SLC25A28: variants seen among roughly 807,000 people sequenced by gnomAD.
SLC25A28 encodes the protein mitoferrin-2.
Under a neutral mutation model 31.9 loss-of-function variants are expected in SLC25A28, and 10 were observed. The ratio of observed to expected loss-of-function variants is 0.31; its 90% CI spans 0.19 to 0.53. The LOEUF (loss-of-function observed/expected upper bound fraction) is 0.53. Among genes scored for constraint, SLC25A28 ranks in the 20% least tolerant of loss-of-function variants. SLC25A28 has a pLI of 0.95. For synonymous variants in SLC25A28, 208 were observed against 203.6 expected (o/e 1.02, Z -0.19); for missense variants, 256 against 490.3 (o/e 0.52, Z 4.51).
chr10:99,637,108 C>A, the SLC25A28 span, among the ~76,000 whole-genome samples: 2 of 152,286 alleles, frequency 1.3e-5, no homozygotes, highest in East Asian at 3.9e-4. Flanking sequence ...AAGTGGGTTT[C>A]ATACCAGGGA....
At chr10:99,645,529 T>C in the SLC25A28 span, among the ~76,000 whole-genome samples, 1 of 152,166 alleles carries the variant, frequency 6.6e-6, no homozygotes, top group Non-Finnish European at 1.5e-5. Context: ...AGTTTGTTAT[T>C]ACCGATCGTC....
At chr10:99,648,566 T>C in the SLC25A28 span, among the ~76,000 whole-genome samples, 41 of 152,278 alleles carry the variant, frequency 2.7e-4, no homozygotes, top group South Asian at 1.2e-3. Flanking sequence ...ACAATATTGA[T>C]TCTTCCAATC....
the SLC25A28 span, among the ~76,000 whole-genome samples, chr10:99,634,115 G>A: frequency 0.84 from 127,813 of 152,138 alleles, 53,933 homozygotes; most frequent in Middle Eastern, 0.92. Flanking sequence ...CTACATCAAG[G>A]GAATGCCCTG....
At chr10:99,646,915 A>G in the SLC25A28 span, among the ~76,000 whole-genome samples, 2,220 of 152,300 alleles carry the variant, frequency 0.015, 61 homozygotes, top group African/African-American at 0.05. Flanking sequence ...ATAAGTGAGA[A>G]CATGCTGTAT....
the SLC25A28 span, among the ~76,000 whole-genome samples, chr10:99,637,520 G>A: frequency 5.9e-5 from 9 of 152,044 alleles, no homozygotes; most frequent in Admixed American, 1.3e-4. Flanking sequence ...CAATATGATC[G>A]TTTACCTTGA....
the SLC25A28 span, among the ~76,000 whole-genome samples, chr10:99,648,301 C>T: frequency 1.3e-5 from 2 of 152,068 alleles, no homozygotes; most frequent in African/African-American, 2.4e-5. Context: ...CCAGCCTATT[C>T]CATTGATGTA....
rs547010368 is a variant in SLC25A28, at chr10:99,611,642, G to A, written c.578-276C>T. ...GCACACAGGACATATCTACAGTTTG[G>A]GAGCTTCAGAGAGTCTTCTTGAACT... On this transcript the variant is annotated intron_variant, in intron 3 of 3. Coordinates refer to ENST00000370495, the MANE Select transcript of SLC25A28 (RefSeq NM_031212.4). The surrounding 1 kb of genome is among the most constrained non-coding windows in gnomAD (Gnocchi z 5.5). Among the ~76,000 whole-genome samples the A allele has an allele frequency of 6.6e-6, 1 of 152,160 alleles. No individual in the cohort carries two copies. The highest frequency in any genetic ancestry group is 2.1e-4 in the South Asian group (1 of 4,820).
chr10:99,622,664 C>G (rs369697302), upstream of SLC25A28: 3 of 985,332 alleles, frequency 3.0e-6, no homozygotes, highest in South Asian at 4.7e-5. Context: ...TCAGAAACCA[C>G]TCTACCTTTT....
At chr10:99,642,335 T>A in the SLC25A28 span, among the ~76,000 whole-genome samples, 2 of 151,848 alleles carry the variant, frequency 1.3e-5, no homozygotes, top group East Asian at 1.9e-4. Context: ...AGCAATTGTG[T>A]ATGGTAGTTC....
Position 99,620,269 on chromosome 10 carries a change from G to C in SLC25A28, c.67C>G (p.Pro23Ala), listed in dbSNP as rs1464350894. ...CCGTCCAGCAGCGCCGACTCCCCGG[G>C]GCTCCGCCCGGGCCCTGCCGCCGGC... is the stretch of plus-strand genomic sequence containing the variant. The part of the protein sequence containing the change: ...GGPAAGPGRS[P>A]GESALLDGWL... The change falls in exon 1 of 4, where the codon CCC (proline) becomes GCC (alanine). Residue 23 changes from proline to alanine, a missense_variant. Transcript: ENST00000370495. 1 of 1,228,912 alleles carries C rather than the reference G, an allele frequency of 8.1e-7. No individual in the cohort carries two copies. The highest frequency in any genetic ancestry group is 1.6e-5 in the African/African-American group (1 of 62,168). 76.1% of individuals were successfully genotyped at this position (1,228,912 alleles called of 1,614,324 possible). A position where few individuals can be genotyped will look rare whatever the true frequency, so the allele number is the denominator to read the frequency against.
chr10:99,647,421 A>C, the SLC25A28 span, among the ~76,000 whole-genome samples: 16 of 152,266 alleles, frequency 1.1e-4, no homozygotes, highest in African/African-American at 3.6e-4. Context: ...AGTGATGTTG[A>C]ACACTTTTTC....
chr10:99,648,346 G>T, the SLC25A28 span, among the ~76,000 whole-genome samples: 1 of 152,112 alleles, frequency 6.6e-6, no homozygotes, highest in South Asian at 2.1e-4. Flanking sequence ...ACACTACTTT[G>T]GTGACTATAG....
At chr10:99,655,971 T>C in the SLC25A28 span, among the ~76,000 whole-genome samples, 1 of 152,092 alleles carries the variant, frequency 6.6e-6, no homozygotes, top group African/African-American at 2.4e-5. Context: ...TTGGACCATA[T>C]CTCATTGGAA....
upstream of SLC25A28, among the ~76,000 whole-genome samples, chr10:99,622,072 A>G (rs1365550227): frequency 6.6e-6 from 1 of 152,130 alleles, no homozygotes; most frequent in East Asian, 1.9e-4. Context: ...TGACCCCAAC[A>G]CTGTGAAGGC....
At chr10:99,642,042 C>T in the SLC25A28 span, among the ~76,000 whole-genome samples, 2 of 151,686 alleles carry the variant, frequency 1.3e-5, no homozygotes, top group African/African-American at 2.4e-5. Flanking sequence ...ATTGACTTGG[C>T]AATGTGGGCT....
chr10:99,616,926 C>G (rs1371961702), intron 1 of SLC25A28: 1 of 978,572 alleles, frequency 1.0e-6, no homozygotes, highest in African/African-American at 1.8e-5. Context: ...GCTTGGCACA[C>G]AAGATCACTG....
At chr10:99,637,691 G>A in the SLC25A28 span, among the ~76,000 whole-genome samples, 204 of 151,756 alleles carry the variant, frequency 1.3e-3, 1 homozygote, top group African/African-American at 4.8e-3. Context: ...TACAGTTGCT[G>A]CAAAAACAAA....
chr10:99,610,746 C>G lies in SLC25A28; in HGVS notation c.*103G>C, dbSNP rs2034500810. 1 of 1,437,680 alleles carries G rather than the reference C, an allele frequency of 7.0e-7. No individual in the cohort carries two copies. Among genetic ancestry groups the G allele is most frequent in the Admixed American group, 2.0e-5 (1 of 48,938 alleles). 89.1% of individuals were successfully genotyped at this position (1,437,680 alleles called of 1,614,324 possible). A position where few individuals can be genotyped will look rare whatever the true frequency, so the allele number is the denominator to read the frequency against. ...AAAATCCTGGGGGAGAGCCCCTCTACCTTCCTTCTAACTCCACTTGAGGTG... is the reference window on the plus strand; with the variant it reads ...AAAATCCTGGGGGAGAGCCCCTCTAGCTTCCTTCTAACTCCACTTGAGGTG... On this transcript the variant is annotated 3_prime_UTR_variant, in exon 4 of 4. Transcript: ENST00000370495.
chr10:99,634,493 A>G, the SLC25A28 span, among the ~76,000 whole-genome samples: 1 of 152,228 alleles, frequency 6.6e-6, no homozygotes, highest in Non-Finnish European at 1.5e-5. Context: ...TAGAAATGTA[A>G]AATGTTCTGG....
Sources: allele counts gnomAD v4.1 joint callset (sites outside exome capture counted in the v4.1 genomes callset), GRCh38; gene constraint gnomAD v4.1.1; non-coding constraint Gnocchi (gnomAD v3.1); transcripts MANE v1.5; gene names NCBI Gene and HGNC (gene_info 2026-07-23, HGNC 2026-07-21).